POLA1: variants seen among roughly 807,000 people sequenced by gnomAD.
POLA1 encodes DNA polymerase alpha catalytic subunit.
POLA1 carries 15 observed loss-of-function variants against 124.0 expected under a neutral mutation model. That is an observed-to-expected ratio of 0.12 (90% CI 0.08 to 0.19). The LOEUF (loss-of-function observed/expected upper bound fraction) is 0.19, where lower values mean the gene tolerates loss of function less well. Among genes scored for constraint, POLA1 ranks in the 10% least tolerant of loss-of-function variants. The pLI is 1.00. For synonymous variants in POLA1, 408 were observed against 389.4 expected, an observed-to-expected ratio of 1.05 and a Z score of -0.56; for missense variants, 886 against 1,103.4, an observed-to-expected ratio of 0.80 and a Z score of 2.79.
At chrX:24,945,805 A>G (rs1269812291) in intron 36 of POLA1, among the ~76,000 whole-genome samples, 1 of 111,059 alleles carries the variant, frequency 9.0e-6, no homozygotes, top group African/African-American at 3.3e-5. Flanking sequence ...TGGCATCTAG[A>G]TAACAATTTA....
intron 35 of POLA1, among the ~76,000 whole-genome samples, chrX:24,916,091 A>G (rs1348592304): frequency 9.0e-6 from 1 of 111,720 alleles, no homozygotes; most frequent in African/African-American, 3.3e-5. Context: ...CCAAGGAATC[A>G]GATAAGATAT....
rs373480932 is a variant in POLA1 at position 24,855,822 on chromosome X, C to T, written c.4047+12145C>T. Among the ~76,000 whole-genome samples the T allele has an allele frequency of 7.2e-5, 8 of 110,695 alleles. No homozygotes were observed. The East Asian group carries it at 1.7e-3, about 24-fold the overall frequency. Reference sequence around the variant, plus strand: ...CATACTGAAGTCCCACACTTGACCCCGCAGAATCCTCGGATAGGAAAAGCC... The same window carrying T: ...CATACTGAAGTCCCACACTTGACCCTGCAGAATCCTCGGATAGGAAAAGCC... On this transcript the variant is annotated intron_variant, in intron 34 of 36. Coordinates refer to ENST00000379068, the MANE Select transcript of POLA1 (RefSeq NM_001330360.2).
At position 24,726,075 on chromosome X, in the gene POLA1, T is replaced by G; in HGVS notation, c.1392+20T>G. ...TACTCGGTAAGTCAAACAAAGAAAA[T>G]TACTGGGTTTTGCTTGAGAATGACA... On this transcript the variant is annotated intron_variant, in intron 13 of 36. Transcript: ENST00000379068. The G allele has an allele frequency of 1.0e-6, 1 of 979,524 alleles. No individual in the cohort carries two copies. The highest frequency in any genetic ancestry group is 1.4e-6 in the Non-Finnish European group (1 of 695,916). The allele number at this position is 979,524 out of a possible 1,213,427, so 80.7% of individuals were successfully genotyped here. A position where few individuals can be genotyped will look rare whatever the true frequency, so the allele number is the denominator to read the frequency against.
intron 35 of POLA1, among the ~76,000 whole-genome samples, chrX:24,910,032 C>G (rs1462408113): frequency 1.8e-5 from 2 of 110,196 alleles, no homozygotes; most frequent in Non-Finnish European, 3.8e-5. Flanking sequence ...ATTTGGCTCT[C>G]TGTTTGTCTG....
At chrX:24,821,412 T>C in intron 30 of POLA1, 40 bp from the exon 31 acceptor site, 1 of 1,143,356 alleles carries the variant, frequency 8.7e-7, no homozygotes, top group Non-Finnish European at 1.2e-6. Context: ...TAAGAAGGGT[T>C]TTATTTTAAG....
intron 36 of POLA1, among the ~76,000 whole-genome samples, chrX:24,932,810 A>C (rs1301496589): frequency 8.9e-6 from 1 of 111,815 alleles, no homozygotes; most frequent in African/African-American, 3.3e-5. Flanking sequence ...ATTATTCCTG[A>C]ATTACAGTTT....
intron 10 of POLA1, among the ~76,000 whole-genome samples, chrX:24,718,786 G>A (rs958660246): frequency 2.7e-5 from 3 of 111,924 alleles, no homozygotes; most frequent in African/African-American, 9.8e-5. Flanking sequence ...GTCAATCCAG[G>A]GCAGGGCTGC....
intron 34 of POLA1, among the ~76,000 whole-genome samples, chrX:24,862,073 T>A (rs1262581011): frequency 8.9e-6 from 1 of 111,758 alleles, no homozygotes; most frequent in Non-Finnish European, 1.9e-5. Flanking sequence ...TTGTTGTATC[T>A]TCAGCTGTGT....
intron 34 of POLA1, among the ~76,000 whole-genome samples, chrX:24,877,009 G>A (rs934907224): frequency 8.9e-6 from 1 of 112,048 alleles, no homozygotes; most frequent in Non-Finnish European, 1.9e-5. Context: ...TTCACCATGC[G>A]AGTCGCCCTT....
chrX:24,703,166 C>A (rs1244417921), intron 2 of POLA1, 85 bp from the exon 3 acceptor site: 3 of 669,913 alleles, frequency 4.5e-6, no homozygotes, highest in African/African-American at 2.2e-5. Context: ...ATTCCAGTTT[C>A]AATTTGACAA....
At chrX:24,707,207 T>C (rs1928870494) in intron 4 of POLA1, among the ~76,000 whole-genome samples, 1 of 112,186 alleles carries the variant, frequency 8.9e-6, no homozygotes. Context: ...TACGGTTCTA[T>C]TGTTAATTGG....
chrX:24,899,494 A>G (rs1227786344), intron 35 of POLA1, among the ~76,000 whole-genome samples: 2 of 111,519 alleles, frequency 1.8e-5, no homozygotes, highest in Non-Finnish European at 3.8e-5. Context: ...TCAAGAAACA[A>G]TTTCACAGCT....
At chrX:24,842,951 ATATT>A (rs1395727735) in intron 33 of POLA1, among the ~76,000 whole-genome samples, 2 of 111,819 alleles carry the variant, frequency 1.8e-5, no homozygotes, top group African/African-American at 3.2e-5. Context: ...CCAAATATTA[ATATT>A]TATTTATTTC....
intron 34 of POLA1, among the ~76,000 whole-genome samples, chrX:24,865,157 G>C (rs1488458416): frequency 8.9e-6 from 1 of 111,959 alleles, no homozygotes; most frequent in East Asian, 2.8e-4. Context: ...GTGGCAATTT[G>C]CTTCCTAATC....
rs11573346 is a variant in POLA1 at position 24,725,156 on chromosome X, A to G, written c.1317+705A>G. 7.0e-3 allele frequency among the ~76,000 whole-genome samples: 758 copies of G among 108,127 alleles called. 5 individuals carry two copies. The highest frequency in any genetic ancestry group is 0.024 in the African/African-American group (705 of 29,588). The allele number at this position is 108,127 out of a possible 115,157, so 93.9% of individuals were successfully genotyped here. A position where few individuals can be genotyped will look rare whatever the true frequency, so the allele number is the denominator to read the frequency against. Reference sequence around the variant, plus strand: ...GGTTTAAGTCCTAGCCCTATTACTTACTAGCATGTAACTTGGACAAGTGCT... The same window carrying G: ...GGTTTAAGTCCTAGCCCTATTACTTGCTAGCATGTAACTTGGACAAGTGCT... On this transcript the variant is annotated intron_variant, in intron 12 of 36. Coordinates refer to ENST00000379068, the MANE Select transcript of POLA1 (RefSeq NM_001330360.2).
intron 26 of POLA1, among the ~76,000 whole-genome samples, chrX:24,803,867 T>C (rs1487692250): frequency 1.1e-5 from 1 of 91,787 alleles, no homozygotes; most frequent in East Asian, 3.5e-4. Context: ...ACCAACTTGG[T>C]CCCAAATCAC....
chrX:24,858,349 C>T (rs1471927565), intron 34 of POLA1, among the ~76,000 whole-genome samples: 1 of 111,812 alleles, frequency 8.9e-6, no homozygotes, highest in South Asian at 3.8e-4. Context: ...CTAATGATTT[C>T]ATGACATCAT....
intron 34 of POLA1, among the ~76,000 whole-genome samples, chrX:24,882,384 A>G (rs1224367716): frequency 1.8e-5 from 2 of 111,169 alleles, no homozygotes; most frequent in Non-Finnish European, 3.8e-5. Context: ...ACATGGGTAT[A>G]TTGCATGACA....
intron 12 of POLA1, 146 bp downstream of exon 12, chrX:24,724,597 A>G (rs1930418586): frequency 2.6e-6 from 1 of 387,988 alleles, no homozygotes; most frequent in Non-Finnish European, 4.5e-6. Context: ...TATGAATGTA[A>G]AAACAGTATA....
Sources: allele counts gnomAD v4.1 joint callset (sites outside exome capture counted in the v4.1 genomes callset), GRCh38; gene constraint gnomAD v4.1.1; transcripts MANE v1.5; gene names NCBI Gene and HGNC (gene_info 2026-07-23, HGNC 2026-07-21).